SCOC: variants seen among roughly 807,000 people sequenced by gnomAD.
SCOC encodes the protein short coiled-coil protein.
Under a neutral mutation model 9.9 loss-of-function variants are expected in SCOC, and 7 were observed. The observed-to-expected ratio is 0.71, with a 90% CI of 0.40 to 1.33. The LOEUF is 1.33. Ranked by LOEUF, SCOC falls within the 40% of genes most tolerant of loss-of-function variation. SCOC has a pLI of 0.01. For synonymous variants in SCOC, 19 were observed against 28.2 expected (o/e 0.67, Z 1.03); for missense variants, 66 against 89.7 (o/e 0.74, Z 1.07).
At chr4:140,300,716 C>T (rs1401379055) in intron 1 of SCOC, among the ~76,000 whole-genome samples, 2 of 152,224 alleles carry the variant, frequency 1.3e-5, no homozygotes, top group Non-Finnish European at 2.9e-5. Context: ...AAAGGGAATC[C>T]TTCTGAGACA....
intron 2 of SCOC, among the ~76,000 whole-genome samples, chr4:140,355,421 G>A (rs1389824321): frequency 6.6e-6 from 1 of 151,874 alleles, no homozygotes; most frequent in East Asian, 1.9e-4. Context: ...TATTATCCCT[G>A]TTTTTCAGAT....
At chr4:140,342,732 T>A (rs960163116), upstream of SCOC, among the ~76,000 whole-genome samples, 102 of 152,174 alleles carry the variant, frequency 6.7e-4, no homozygotes, top group East Asian at 3.9e-4. Context: ...TCTAAAATAG[T>A]TTTGCTTTGT....
At chr4:140,335,503 C>T (rs969769561) in intron 1 of SCOC, among the ~76,000 whole-genome samples, 8 of 152,218 alleles carry the variant, frequency 5.3e-5, no homozygotes, top group African/African-American at 1.9e-4. Context: ...ATCCAATTTG[C>T]ACTAATTTGT....
intron 1 of SCOC, among the ~76,000 whole-genome samples, chr4:140,258,126 G>C (rs910763465): frequency 1.3e-5 from 2 of 152,204 alleles, no homozygotes; most frequent in African/African-American, 4.8e-5. Flanking sequence ...GTCTGCGGAG[G>C]TGCTCTTTCC....
chr4:140,383,434 A>G lies in SCOC; in HGVS notation c.*2330A>G, dbSNP rs1728627002. ...TAATGTAGTTGGGACAGGATGGCCA[A>G]ATAAAAAGTCTCAATTTGGAAAATG... On this transcript the variant is annotated 3_prime_UTR_variant, in exon 4 of 4. Transcript: ENST00000608372. 1 of 152,216 alleles carries G rather than the reference A, an allele frequency of 6.6e-6. No individual in the cohort carries two copies. Among genetic ancestry groups the G allele is most frequent in the South Asian group, 2.1e-4 (1 of 4,836 alleles). The allele number at this position is 152,216 out of a possible 1,614,324, so 9.4% of individuals were successfully genotyped here.
chr4:140,374,547 G>T (rs1728248128), intron 1 of SCOC, among the ~76,000 whole-genome samples: 1 of 152,160 alleles, frequency 6.6e-6, no homozygotes, highest in Non-Finnish European at 1.5e-5. Context: ...TGTGGAATTT[G>T]AAACTGGATT....
At chr4:140,263,611 G>A (rs188916685) in intron 1 of SCOC, among the ~76,000 whole-genome samples, 1 of 152,316 alleles carries the variant, frequency 6.6e-6, no homozygotes, top group African/African-American at 2.4e-5. Context: ...GGTGAGGAGA[G>A]GTGAGAGAGG....
intron 1 of SCOC, among the ~76,000 whole-genome samples, chr4:140,285,936 G>C (rs1731254271): frequency 6.6e-6 from 1 of 152,120 alleles, no homozygotes; most frequent in Non-Finnish European, 1.5e-5. Context: ...TGTAATCCTA[G>C]CACTTTGGGT....
At chr4:140,375,731 T>C (rs1275327080) in intron 1 of SCOC, among the ~76,000 whole-genome samples, 1 of 152,158 alleles carries the variant, frequency 6.6e-6, no homozygotes, top group Non-Finnish European at 1.5e-5. Context: ...ACTTAAATAA[T>C]CAAAAAAGTA....
intron 2 of SCOC, among the ~76,000 whole-genome samples, chr4:140,355,212 T>G (rs1727159178): frequency 1.3e-3 from 3 of 2,286 alleles, no homozygotes; most frequent in African/African-American, 2.7e-3. Context: ...ATTATATTTT[T>G]ATATATATAT....
chr4:140,276,260 A>C (rs4526054), intron 1 of SCOC, among the ~76,000 whole-genome samples: 32,735 of 151,644 alleles, frequency 0.22, 6,814 homozygotes, highest in African/African-American at 0.53. Flanking sequence ...CCTCAGCCTC[A>C]CAAAGTGCTG....
intron 1 of SCOC, among the ~76,000 whole-genome samples, chr4:140,287,905 C>T (rs745623372): frequency 6.6e-6 from 1 of 151,998 alleles, no homozygotes; most frequent in African/African-American, 2.4e-5. Context: ...ATACACACAA[C>T]ATATGTGCAC....
chr4:140,366,361 C>A lies in SCOC; in HGVS notation c.71-12760C>A, dbSNP rs1172377599. 5 of 1,241,354 alleles carry A rather than the reference C, an allele frequency of 4.0e-6. No homozygotes were observed. In the East Asian group the frequency reaches 7.1e-5, roughly 18 times the overall value. The allele number at this position is 1,241,354 out of a possible 1,614,324, so 76.9% of individuals were successfully genotyped here. Reference sequence around the variant, plus strand: ...TGGGCAGGAAGCTTCTAAGCTGGAGCCTTCTTGCCTGCAGCGGTCATCTTT... The same window carrying A: ...TGGGCAGGAAGCTTCTAAGCTGGAGACTTCTTGCCTGCAGCGGTCATCTTT... On this transcript the variant is annotated intron_variant, in intron 2 of 4. Coordinates refer to the SCOC transcript ENST00000338517.
In SCOC at chr4:140,385,243, A is replaced by G. The variant is rs1470808493; in HGVS notation, c.*4139A>G. On this transcript the variant is annotated 3_prime_UTR_variant, in exon 4 of 4. Transcript: ENST00000608372. ...AAACTTGTAGGGCCAGATGTCTTAG[A>G]ATTTGGAGTTTTCCAGATTTTATAA... The G allele has an allele frequency of 6.6e-6, 1 of 152,164 alleles. No individual in the cohort carries two copies. The highest frequency in any genetic ancestry group is 1.9e-4 in the East Asian group (1 of 5,200). 9.4% of individuals were successfully genotyped at this position (152,164 alleles called of 1,614,324 possible). A position where few individuals can be genotyped will look rare whatever the true frequency, so the allele number is the denominator to read the frequency against.
intron 1 of SCOC, 33 bp from the exon 2 acceptor site, chr4:140,379,088 T>C (rs752092730): frequency 7.9e-7 from 1 of 1,271,432 alleles, no homozygotes; most frequent in South Asian, 1.2e-5. Context: ...TATTGCTGTA[T>C]GTGTCTATAT....
chr4:140,296,551 C>G (rs565961639), intron 1 of SCOC, among the ~76,000 whole-genome samples: 3 of 152,296 alleles, frequency 2.0e-5, no homozygotes, highest in Admixed American at 6.5e-5. Flanking sequence ...AGTGGAAAAG[C>G]CTCTCTCGCT....
chr4:140,259,111 GA>G (rs763640208), intron 1 of SCOC, among the ~76,000 whole-genome samples: 3 of 152,190 alleles, frequency 2.0e-5, no homozygotes, highest in Non-Finnish European at 2.9e-5. Flanking sequence ...TAAGTCAAGG[GA>G]AAAATGCATG....
At chr4:140,365,556 C>A (rs540612756) in intron 2 of SCOC, among the ~76,000 whole-genome samples, 3 of 152,154 alleles carry the variant, frequency 2.0e-5, no homozygotes, top group Admixed American at 2.0e-4. Context: ...ACAGAAATTA[C>A]AATGTATTTT....
chr4:140,371,174 C>T (rs373841178), upstream of SCOC, among the ~76,000 whole-genome samples: 127 of 152,108 alleles, frequency 8.3e-4, no homozygotes, highest in East Asian at 0.018. Flanking sequence ...CGTGAGCCAC[C>T]GCGCCTGGCC....
Sources: gnomAD v4.1 joint callset for allele counts (sites outside exome capture counted in the v4.1 genomes callset) on GRCh38, gnomAD v4.1.1 for gene constraint, MANE v1.5 for transcripts, NCBI Gene and HGNC (gene_info 2026-07-23, HGNC 2026-07-21) for gene names.